The following NKAIN2 variants were observed in gnomAD, a reference collection of about 807,000 sequenced individuals.
NKAIN2 encodes sodium/potassium-transporting ATPase subunit beta-1-interacting protein 2.
In NKAIN2, 14 loss-of-function variants were observed where a neutral mutation model predicts 32.6. The ratio of observed to expected loss-of-function variants is 0.43; its 90% CI spans 0.28 to 0.67. The LOEUF is 0.67. Ranked by LOEUF, NKAIN2 falls within the 30% of genes least tolerant of loss-of-function variation. The pLI, the probability that NKAIN2 is intolerant of heterozygous loss-of-function variation, is 0.17. For missense variants in NKAIN2, 198 were observed against 258.3 expected (o/e 0.77, Z 1.60); for synonymous variants, 80 against 87.2 (o/e 0.92, Z 0.46).
At chr6:124,265,148 T>G (rs1794435293) in intron 1 of NKAIN2, among the ~76,000 whole-genome samples, 1 of 151,442 alleles carries the variant, frequency 6.6e-6, no homozygotes, top group Non-Finnish European at 1.5e-5. Context: ...ATAGCATTTG[T>G]TTTTTTTCAA....
chr6:124,002,449 C>CT (rs148235901), intron 1 of NKAIN2, among the ~76,000 whole-genome samples: 16,448 of 151,122 alleles, frequency 0.11, 1,428 homozygotes, highest in African/African-American at 0.24. Flanking sequence ...CTATCTGTCC[C>CT]TTTTTTTTTC....
chr6:124,617,324 C>T (rs558443155), intron 3 of NKAIN2, among the ~76,000 whole-genome samples: 1 of 152,258 alleles, frequency 6.6e-6, no homozygotes, highest in African/African-American at 2.4e-5. Flanking sequence ...TCGCATTTTT[C>T]TTATTCATCA....
At chr6:124,780,354 A>T (rs758129753) in intron 4 of NKAIN2, among the ~76,000 whole-genome samples, 3 of 152,242 alleles carry the variant, frequency 2.0e-5, no homozygotes, top group Non-Finnish European at 4.4e-5. Flanking sequence ...CTATATGAGC[A>T]CAGAGAGTGA....
At chr6:124,671,151 A>T (rs1180868032) in intron 4 of NKAIN2, among the ~76,000 whole-genome samples, 1 of 152,094 alleles carries the variant, frequency 6.6e-6, no homozygotes, top group East Asian at 1.9e-4. Flanking sequence ...GAAGAGAGGG[A>T]GGAGAAGGTT....
Position 124,201,299 on chromosome 6 carries a change from A to G in NKAIN2, c.55-81706A>G, listed in dbSNP as rs547939404. ...GTACATAGAAACATAATTAAAATAA[A>G]TATGCATTAATGGTTCTCTTTAAAT... On this transcript the variant is annotated intron_variant, in intron 1 of 6. Coordinates refer to ENST00000368417, the MANE Select transcript of NKAIN2 (RefSeq NM_001040214.3). 3.7e-4 allele frequency among the ~76,000 whole-genome samples: 56 copies of G among 152,150 alleles called. 1 individual carries two copies. In the South Asian group the frequency reaches 0.011, roughly 29 times the overall value.
At chr6:124,415,123 A>G (rs1043331437) in intron 3 of NKAIN2, among the ~76,000 whole-genome samples, 6 of 152,202 alleles carry the variant, frequency 3.9e-5, no homozygotes, top group Non-Finnish European at 7.3e-5. Context: ...CATTTAATTT[A>G]GTTCAATCCA....
chr6:123,893,452 C>A (rs1354194556), intron 1 of NKAIN2, among the ~76,000 whole-genome samples: 2 of 152,198 alleles, frequency 1.3e-5, no homozygotes, highest in Non-Finnish European at 2.9e-5. Context: ...AGCAATCCTT[C>A]ATCCTTGCCC....
chr6:123,898,787 C>T (rs1444300623), intron 1 of NKAIN2, among the ~76,000 whole-genome samples: 1 of 152,156 alleles, frequency 6.6e-6, no homozygotes, highest in Non-Finnish European at 1.5e-5. Flanking sequence ...GACCCCAGTC[C>T]TATGTCTTGG....
intron 4 of NKAIN2, among the ~76,000 whole-genome samples, chr6:124,713,405 G>A (rs1342329284): frequency 6.6e-6 from 1 of 152,162 alleles, no homozygotes; most frequent in Non-Finnish European, 1.5e-5. Context: ...GATACTGGAA[G>A]ATAAAGCTTC....
chr6:124,615,217 T>C (rs1447980945), intron 3 of NKAIN2, among the ~76,000 whole-genome samples: 3 of 152,172 alleles, frequency 2.0e-5, no homozygotes, highest in Non-Finnish European at 4.4e-5. Flanking sequence ...ATAAAATAGA[T>C]ACCATGTGTA....
intron 1 of NKAIN2, among the ~76,000 whole-genome samples, chr6:123,958,818 C>T (rs944707281): frequency 6.6e-6 from 1 of 152,190 alleles, no homozygotes; most frequent in African/African-American, 2.4e-5. Context: ...CACCAATAAA[C>T]ATTTGTTTAA....
intron 1 of NKAIN2, among the ~76,000 whole-genome samples, chr6:124,075,116 T>C (rs1201026763): frequency 6.6e-6 from 1 of 152,186 alleles, no homozygotes. Flanking sequence ...TAACTATCAG[T>C]GTTAATAGTA....
intron 3 of NKAIN2, among the ~76,000 whole-genome samples, chr6:124,507,346 T>C (rs1562227442): frequency 3.3e-5 from 5 of 152,166 alleles, no homozygotes. Context: ...AAGCTTCGTT[T>C]CTATATTGAA....
intron 4 of NKAIN2, among the ~76,000 whole-genome samples, chr6:124,727,245 C>A (rs889560601): frequency 1.3e-5 from 2 of 151,642 alleles, no homozygotes; most frequent in African/African-American, 4.8e-5. Context: ...AACTCCAAGA[C>A]ACATAATTGT....
chr6:124,664,266 C>CTCTG (rs1772654469), intron 4 of NKAIN2, among the ~76,000 whole-genome samples: 1 of 150,618 alleles, frequency 6.6e-6, no homozygotes, highest in South Asian at 2.1e-4. Flanking sequence ...GACAGCAAGA[C>CTCTG]TCTGTCTCAA....
intron 2 of NKAIN2, among the ~76,000 whole-genome samples, chr6:124,308,039 A>C (rs1796576757): frequency 6.6e-6 from 1 of 152,128 alleles, no homozygotes. Flanking sequence ...TTTGTTACAT[A>C]GGTATACATG....
At chr6:123,814,138 C>T (rs1171011477) in intron 1 of NKAIN2, among the ~76,000 whole-genome samples, 3 of 152,026 alleles carry the variant, frequency 2.0e-5, no homozygotes, top group Non-Finnish European at 2.9e-5. Flanking sequence ...CTTTCATTTT[C>T]CTACAAGGCA....
At chr6:124,400,629 T>C (rs2114454616) in intron 3 of NKAIN2, among the ~76,000 whole-genome samples, 1 of 152,324 alleles carries the variant, frequency 6.6e-6, no homozygotes, top group East Asian at 1.9e-4. Flanking sequence ...TATTCCTATT[T>C]CTTTCTTTTT....
chr6:124,029,995 G>T (rs1399003507), intron 1 of NKAIN2, among the ~76,000 whole-genome samples: 7 of 151,996 alleles, frequency 4.6e-5, no homozygotes, highest in Non-Finnish European at 8.8e-5. Context: ...GCTGAGGCAG[G>T]CATTTAAGAC....
Sources: gnomAD v4.1 joint callset for allele counts (sites outside exome capture counted in the v4.1 genomes callset) on GRCh38, gnomAD v4.1.1 for gene constraint, MANE v1.5 for transcripts, NCBI Gene and HGNC (gene_info 2026-07-23, HGNC 2026-07-21) for gene names.